GALNT18: variants seen among roughly 807,000 people sequenced by gnomAD.
GALNT18 encodes the protein polypeptide N-acetylgalactosaminyltransferase 18.
A neutral mutation model predicts 69.5 loss-of-function variants in GALNT18; 44 were observed. That is an observed-to-expected ratio of 0.63 (90% CI 0.50 to 0.81). GALNT18 has a LOEUF of 0.81. Ranked by LOEUF, GALNT18 falls within the 40% of genes least tolerant of loss-of-function variation. The pLI, the probability that GALNT18 is intolerant of heterozygous loss-of-function variation, is 0.00. For synonymous variants in GALNT18, 364 were observed against 318.2 expected (o/e 1.14, Z -1.53); for missense variants, 715 against 810.0 (o/e 0.88, Z 1.42).
At chr11:11,288,401 C>T (rs1270838733) in intron 10 of GALNT18, among the ~76,000 whole-genome samples, 1 of 152,172 alleles carries the variant, frequency 6.6e-6, no homozygotes, top group Non-Finnish European at 1.5e-5. Context: ...ATAAATCAAA[C>T]AAGCCTCCTA....
rs1481874895 is a variant in GALNT18, at chr11:11,444,055, C to G, written c.428+4689G>C. Among the ~76,000 whole-genome samples, 1 of 152,170 alleles carries G rather than the reference C, an allele frequency of 6.6e-6. No individual in the cohort carries two copies. The highest frequency in any genetic ancestry group is 6.5e-5 in the Admixed American group (1 of 15,276). ...TGCCTATCCATGAAGCCAGGACCCC[C>G]CAAAGTTCAAAGATCCCAGATGTCT... On this transcript the variant is annotated intron_variant, in intron 2 of 10. Coordinates refer to ENST00000227756, the MANE Select transcript of GALNT18 (RefSeq NM_198516.3). This position sits in a 1 kb window ranked among gnomAD's most constrained non-coding sequence, Gnocchi z 4.4.
At chr11:11,274,868 T>C (rs1848907124) in intron 10 of GALNT18, among the ~76,000 whole-genome samples, 1 of 152,214 alleles carries the variant, frequency 6.6e-6, no homozygotes, top group Admixed American at 6.5e-5. Context: ...GCTTCATCCA[T>C]GGGACATGAA....
intron 6 of GALNT18, among the ~76,000 whole-genome samples, chr11:11,349,713 C>T (rs903945701): frequency 2.6e-5 from 4 of 152,184 alleles, no homozygotes; most frequent in Non-Finnish European, 4.4e-5. Context: ...TTTAGTTCTG[C>T]GTTATCCTCA....
At position 11,540,447 on chromosome 11, in the gene GALNT18, G is replaced by A. The variant is rs1219521249; in HGVS notation, c.235+80912C>T. On this transcript the variant is annotated intron_variant, in intron 1 of 10. Coordinates refer to ENST00000227756, the MANE Select transcript of GALNT18 (RefSeq NM_198516.3). The surrounding 1 kb of genome is among the most constrained non-coding windows in gnomAD (Gnocchi z 4.6). Reference sequence around the variant, plus strand: ...CTGAAGGGCTGGCAGAGCTGCAGGTGATACCTTGCCAATAGGAGACACGGC... The same window carrying A: ...CTGAAGGGCTGGCAGAGCTGCAGGTAATACCTTGCCAATAGGAGACACGGC... Among the ~76,000 whole-genome samples the A allele has an allele frequency of 1.3e-5, 2 of 152,118 alleles. No homozygotes were observed. The highest frequency in any genetic ancestry group is 2.9e-5 in the Non-Finnish European group (2 of 68,032).
At position 11,352,915 on chromosome 11, in the gene GALNT18, T is replaced by C. The variant is rs774440011; in HGVS notation, c.1093-11911A>G. The C allele has an allele frequency of 1.8e-5, 29 of 1,614,078 alleles. 1 individual carries two copies. In the South Asian group the frequency reaches 3.2e-4, roughly 18 times the overall value. ...TTCTTCTTTTTTACTGGCTTGAGAA[T>C]TTTAACAACAACTTTTTCATTATTT... On this transcript the variant is annotated intron_variant, in intron 6 of 10. Transcript: ENST00000227756.
rs112243153 is a variant in GALNT18, at chr11:11,601,414, G to A, written c.235+19945C>T. ...GCACAGTGTCCTGATTCTCCCTATCGAACCCCCTAGGATGACAGTGATTTT... is the reference window on the plus strand; with the variant it reads ...GCACAGTGTCCTGATTCTCCCTATCAAACCCCCTAGGATGACAGTGATTTT... On this transcript the variant is annotated intron_variant, in intron 1 of 10. Coordinates refer to ENST00000227756, the MANE Select transcript of GALNT18 (RefSeq NM_198516.3). The surrounding 1 kb of genome is among the most constrained non-coding windows in gnomAD (Gnocchi z 4.0). 1.6e-4 allele frequency among the ~76,000 whole-genome samples: 25 copies of A among 152,030 alleles called. No homozygotes were observed. The highest frequency in any genetic ancestry group is 4.1e-4 in the African/African-American group (17 of 41,386).
intron 1 of GALNT18, among the ~76,000 whole-genome samples, chr11:11,498,088 T>A (rs920510449): frequency 6.6e-6 from 1 of 152,208 alleles, no homozygotes; most frequent in East Asian, 1.9e-4. Context: ...TGAAACCAAT[T>A]GAGGGCAAAA....
intron 10 of GALNT18, among the ~76,000 whole-genome samples, chr11:11,273,366 AATCCAATTAAAAAATGGGCAAAAG>A (rs1664672680): frequency 6.6e-6 from 1 of 152,088 alleles, no homozygotes; most frequent in East Asian, 1.9e-4. Flanking sequence ...GAAGGCAAAA[AATCCAATTAAAAAATGGGCAAAAG>A]ATCTGAACAG....
At chr11:11,352,629 A>G (rs185434959) in intron 6 of GALNT18, 18 of 1,614,062 alleles carry the variant, frequency 1.1e-5, no homozygotes, top group Admixed American at 3.3e-5. Flanking sequence ...CTCATGATCA[A>G]TCATGACATT....
At chr11:11,483,820 A>G (rs1856586208) in intron 1 of GALNT18, among the ~76,000 whole-genome samples, 1 of 152,204 alleles carries the variant, frequency 6.6e-6, no homozygotes, top group Non-Finnish European at 1.5e-5. Flanking sequence ...CGTTACTTCA[A>G]TAAATAATGA....
intron 7 of GALNT18, among the ~76,000 whole-genome samples, chr11:11,334,508 A>C (rs367874230): frequency 9.3e-5 from 14 of 151,098 alleles, no homozygotes; most frequent in African/African-American, 3.2e-4. Context: ...GCACCATTGC[A>C]CTCCAGCCTG....
At position 11,620,000 on chromosome 11, in the gene GALNT18, C is replaced by T. The variant is rs748647502; in HGVS notation, c.235+1359G>A. On this transcript the variant is annotated intron_variant, in intron 1 of 10. Transcript: ENST00000227756. This position sits in a 1 kb window ranked among gnomAD's most constrained non-coding sequence, Gnocchi z 4.9. ...CTGAACCTCCCTGAACCTTCCCCTC[C>T]TGGAAAGGAACTATTCTGGACACCT... Among the ~76,000 whole-genome samples the T allele has an allele frequency of 1.4e-4, 21 of 152,184 alleles. No individual in the cohort carries two copies. The highest frequency in any genetic ancestry group is 2.8e-4 in the Non-Finnish European group (19 of 68,030).
chr11:11,398,393 C>T (rs1854383407), intron 3 of GALNT18, among the ~76,000 whole-genome samples: 1 of 152,202 alleles, frequency 6.6e-6, no homozygotes, highest in Non-Finnish European at 1.5e-5. Context: ...AGGCAGCAAG[C>T]ACTTTCTAAG....
At chr11:11,456,612 C>T (rs889571777) in intron 1 of GALNT18, among the ~76,000 whole-genome samples, 4 of 152,190 alleles carry the variant, frequency 2.6e-5, no homozygotes, top group African/African-American at 9.6e-5. Context: ...GTTGAGCATT[C>T]CTGTCAGTTG....
At position 11,413,346 on chromosome 11, in the gene GALNT18, G is replaced by C. The variant is rs532234581; in HGVS notation, c.595+19275C>G. 6.6e-6 allele frequency among the ~76,000 whole-genome samples: 1 copy of C among 152,278 alleles called. No individual in the cohort carries two copies. The highest frequency in any genetic ancestry group is 1.5e-5 in the Non-Finnish European group (1 of 68,032). On this transcript the variant is annotated intron_variant, in intron 3 of 10. Coordinates refer to ENST00000227756, the MANE Select transcript of GALNT18 (RefSeq NM_198516.3). This position sits in a 1 kb window ranked among gnomAD's most constrained non-coding sequence, Gnocchi z 4.7. Reference sequence around the variant, plus strand: ...TAGTCTGGCCAAACATCCCTCTGGAGGTGCAGATGCCCCATTAGGACTCAG... The same window carrying C: ...TAGTCTGGCCAAACATCCCTCTGGACGTGCAGATGCCCCATTAGGACTCAG...
intron 1 of GALNT18, among the ~76,000 whole-genome samples, chr11:11,488,382 T>C (rs1564974693): frequency 6.6e-6 from 1 of 152,052 alleles, no homozygotes; most frequent in African/African-American, 2.4e-5. Context: ...CCTTCTCGCA[T>C]TGAATCACTG....
chr11:11,271,692 C>T (rs1848831837), intron 10 of GALNT18, among the ~76,000 whole-genome samples: 5 of 151,114 alleles, frequency 3.3e-5, no homozygotes, highest in Admixed American at 2.6e-4. Context: ...CCTGGGGCTT[C>T]CTGCTCCTAG....
chr11:11,578,318 C>T (rs1329305530), intron 1 of GALNT18, among the ~76,000 whole-genome samples: 1 of 43,786 alleles, frequency 2.3e-5, no homozygotes, highest in Non-Finnish European at 3.9e-5. Flanking sequence ...AGCCGAAAAA[C>T]ATAAAAAGAA....
chr11:11,520,246 T>C (rs1857365978), intron 1 of GALNT18, among the ~76,000 whole-genome samples: 1 of 152,228 alleles, frequency 6.6e-6, no homozygotes, highest in Non-Finnish European at 1.5e-5. Flanking sequence ...TCCAATTATT[T>C]TCTCCATTTT....
Sources: gnomAD v4.1 joint callset for allele counts (sites outside exome capture counted in the v4.1 genomes callset) on GRCh38, gnomAD v4.1.1 for gene constraint, Gnocchi (gnomAD v3.1) non-coding constraint, MANE v1.5 for transcripts, NCBI Gene and HGNC (gene_info 2026-07-23, HGNC 2026-07-21) for gene names.